The following ZNF215 variants were observed in gnomAD, a reference collection of about 807,000 sequenced individuals.
ZNF215 encodes the protein zinc finger protein 215, also known as BWSCR2-associated zinc finger protein 2.
In ZNF215, 24 loss-of-function variants were observed where a neutral mutation model predicts 27.2. The ratio of observed to expected loss-of-function variants is 0.88; its 90% CI spans 0.64 to 1.24. The LOEUF (loss-of-function observed/expected upper bound fraction) is 1.24. ZNF215 is among the 50% of genes most tolerant of loss of function. ZNF215 has a pLI of 0.00. For synonymous variants in ZNF215, 210 were observed against 204.0 expected (o/e 1.03, Z -0.25); for missense variants, 675 against 605.7 (o/e 1.11, Z -1.20).
chr11:6,955,609 A>C (rs538401529), intron 6 of ZNF215, 81 bp from the exon 7 acceptor site: 1 of 1,453,508 alleles, frequency 6.9e-7, no homozygotes, highest in Non-Finnish European at 9.1e-7. Context: ...TGGTATATGC[A>C]TATACCTTAT....
intron 6 of ZNF215, among the ~76,000 whole-genome samples, chr11:6,944,042 G>T (rs1290088752): frequency 1.2e-4 from 19 of 152,340 alleles, no homozygotes; most frequent in South Asian, 6.2e-4. Flanking sequence ...TTGGAAGGCG[G>T]AGGCGGGCGG....
chr11:6,959,268 A>G (rs190731228), downstream of ZNF215, among the ~76,000 whole-genome samples: 3 of 152,314 alleles, frequency 2.0e-5, no homozygotes, highest in Admixed American at 1.3e-4. Flanking sequence ...TTCAGGAAAC[A>G]TAAGTTCATC....
chr11:6,990,457 T>C (rs1453710549), downstream of ZNF215, among the ~76,000 whole-genome samples: 1 of 152,236 alleles, frequency 6.6e-6, no homozygotes, highest in Admixed American at 6.5e-5. Context: ...GTGCATGTAT[T>C]AAAAATGCTT....
chr11:6,987,539 A>G (rs1488024116), downstream of ZNF215, among the ~76,000 whole-genome samples: 1 of 152,212 alleles, frequency 6.6e-6, no homozygotes, highest in East Asian at 1.9e-4. Flanking sequence ...TTGAAAAAAG[A>G]AAAAAGCAAA....
Position 6,934,802 on chromosome 11 carries a change from C to G in ZNF215, c.400+2130C>G, listed in dbSNP as rs75103032. Among the ~76,000 whole-genome samples the G allele has an allele frequency of 3.9e-3, 595 of 152,186 alleles. 5 individuals are homozygous for G. Among genetic ancestry groups the G allele is most frequent in the African/African-American group, 0.014 (561 of 41,492 alleles). On this transcript the variant is annotated intron_variant, in intron 3 of 6. Coordinates refer to ENST00000278319, the MANE Select transcript of ZNF215 (RefSeq NM_013250.4). ...TGCAGAGTCTCTCTTGCTATGTATC[C>G]AAGGACTAAGACATGGATATCTTTG... is the stretch of plus-strand genomic sequence containing the variant.
In ZNF215 at chr11:6,940,506, C is replaced by T. The variant is rs113080402; in HGVS notation, c.401-1065C>T. ...ATTATTATTTGCAGAGAAGGAATCT[C>T]CCTATGTTGCTTAGGCTGGTCTTGG... On this transcript the variant is annotated intron_variant, in intron 3 of 6. Transcript: ENST00000278319. Among the ~76,000 whole-genome samples the T allele has an allele frequency of 6.1e-3, 932 of 152,264 alleles. 7 individuals carry two copies. The highest frequency in any genetic ancestry group is 0.02 in the African/African-American group (818 of 41,524).
intron 6 of ZNF215, among the ~76,000 whole-genome samples, chr11:6,953,433 T>C (rs1463692644): frequency 1.3e-5 from 2 of 152,222 alleles, no homozygotes; most frequent in East Asian, 3.8e-4. Flanking sequence ...TTTGTTTGTT[T>C]CTTTTTATTC....
chr11:6,968,865 C>CA lies in ZNF215; in HGVS notation c.805+13094dup, dbSNP rs111730871. 6.3e-3 allele frequency among the ~76,000 whole-genome samples: 920 copies of CA among 146,326 alleles called. 13 individuals are homozygous for CA. The highest frequency in any genetic ancestry group is 0.019 in the African/African-American group (759 of 40,034). ...TGGGCAACAGAGCGAGACCCCATCT[C>CA]AAAAAAAAAAATTTAAATTACTTAT... On this transcript the variant is annotated intron_variant, in intron 5 of 5. Coordinates refer to the ZNF215 transcript ENST00000529903.
At chr11:6,985,898 A>T (rs1004758206), downstream of ZNF215, among the ~76,000 whole-genome samples, 1 of 152,074 alleles carries the variant, frequency 6.6e-6, no homozygotes, top group Non-Finnish European at 1.5e-5. Flanking sequence ...AAAAAGAAAA[A>T]AGGTCCCATG....
chr11:6,964,941 AT>A (rs1196218432), intron 5 of ZNF215, among the ~76,000 whole-genome samples: 9 of 152,094 alleles, frequency 5.9e-5, no homozygotes. Flanking sequence ...ATACATTTGT[AT>A]TTAAACAAAG....
chr11:6,958,643 T>C (rs1348107833), downstream of ZNF215, among the ~76,000 whole-genome samples: 2 of 152,174 alleles, frequency 1.3e-5, no homozygotes, highest in African/African-American at 2.4e-5. Context: ...TTAAGGAGTA[T>C]TGATTTACAC....
chr11:6,993,495 T>G (rs1851141467), downstream of ZNF215, among the ~76,000 whole-genome samples: 1 of 151,862 alleles, frequency 6.6e-6, no homozygotes, highest in South Asian at 2.1e-4. Context: ...TTTTCTATTA[T>G]GGGAGATGGA....
chr11:6,983,282 A>T (rs1850998312), intron 5 of ZNF215, among the ~76,000 whole-genome samples: 1 of 152,108 alleles, frequency 6.6e-6, no homozygotes, highest in East Asian at 1.9e-4. Flanking sequence ...TACCAACCAA[A>T]AAGAGTCCAG....
chr11:6,973,160 C>T (rs1352429589), intron 5 of ZNF215, among the ~76,000 whole-genome samples: 1 of 152,084 alleles, frequency 6.6e-6, no homozygotes, highest in Non-Finnish European at 1.5e-5. Flanking sequence ...GGTTTTCTGT[C>T]CTTGCAATAG....
At chr11:6,982,708 A>T (rs1160916554) in intron 5 of ZNF215, among the ~76,000 whole-genome samples, 1 of 151,988 alleles carries the variant, frequency 6.6e-6, no homozygotes, top group Admixed American at 6.6e-5. Flanking sequence ...TTTGAAACCA[A>T]CGAGAACAAA....
downstream of ZNF215, among the ~76,000 whole-genome samples, chr11:6,991,923 C>T (rs186803466): frequency 1.4e-4 from 22 of 152,314 alleles, no homozygotes; most frequent in East Asian, 3.3e-3. Context: ...CCCCGTGAAC[C>T]GCCTCTTGGT....
intron 6 of ZNF215, among the ~76,000 whole-genome samples, chr11:6,951,426 G>A (rs528527850): frequency 2.0e-5 from 3 of 152,258 alleles, no homozygotes; most frequent in Non-Finnish European, 2.9e-5. Flanking sequence ...TTATTGGTCT[G>A]TTCAGAGATT....
chr11:6,966,912 C>T (rs954621600), intron 5 of ZNF215, among the ~76,000 whole-genome samples: 3 of 151,882 alleles, frequency 2.0e-5, no homozygotes, highest in African/African-American at 7.3e-5. Flanking sequence ...CTGCATCCAT[C>T]AACTCGTCAT....
intron 5 of ZNF215, among the ~76,000 whole-genome samples, chr11:6,976,630 C>G (rs538156198): frequency 1.4e-4 from 22 of 152,134 alleles, no homozygotes; most frequent in African/African-American, 5.1e-4. Context: ...GAAGAAATTG[C>G]TTCCTCTCTG....
Sources: allele counts gnomAD v4.1 joint callset (sites outside exome capture counted in the v4.1 genomes callset), GRCh38; gene constraint gnomAD v4.1.1; transcripts MANE v1.5; gene names NCBI Gene and HGNC (gene_info 2026-07-23, HGNC 2026-07-21).